The following HK2 variants were observed in gnomAD, a reference collection of about 807,000 sequenced individuals.
HK2 encodes hexokinase 2, also known as hexokinase-2.
Under a neutral mutation model 92.9 loss-of-function variants are expected in HK2, and 42 were observed. The observed-to-expected ratio is 0.45, with a 90% CI of 0.35 to 0.58. HK2 has a LOEUF of 0.58. HK2 is among the 20% of genes least tolerant of loss of function. The probability of loss-of-function intolerance (pLI) is 0.00; values close to 1 mark genes in which losing one functional copy is unlikely to be tolerated. For synonymous variants in HK2, 422 were observed against 468.0 expected (o/e 0.90, Z 1.27); for missense variants, 978 against 1,245.1 (o/e 0.79, Z 3.23).
At chr2:74,864,134 G>C (rs150950018) in intron 2 of HK2, among the ~76,000 whole-genome samples, 1 of 152,316 alleles carries the variant, frequency 6.6e-6, no homozygotes, top group African/African-American at 2.4e-5. Flanking sequence ...CAGCTCAACT[G>C]TGGCAGCAGC....
At chr2:74,853,248 G>A (rs1688611780) in intron 1 of HK2, among the ~76,000 whole-genome samples, 1 of 152,058 alleles carries the variant, frequency 6.6e-6, no homozygotes, top group Admixed American at 6.6e-5. Flanking sequence ...CGGGTGTGGT[G>A]GCTCGCTCCT....
At position 74,869,991 on chromosome 2, in the gene HK2, C is replaced by T. The variant is rs6728248; in HGVS notation, c.375+2207C>T. On this transcript the variant is annotated intron_variant, in intron 3 of 17. Transcript: ENST00000290573. ...GAACTGAATTTTTAAGGTCTTTTTT[C>T]TTTTCTTTTCTTTTTTTTTTTTTTT... Among the ~76,000 whole-genome samples, 477 of 138,564 alleles carry T rather than the reference C, an allele frequency of 3.4e-3. 2 individuals are homozygous for T. The highest frequency in any genetic ancestry group is 0.013 in the African/African-American group (441 of 34,478). The allele number at this position is 138,564 out of a possible 152,430, so 90.9% of individuals were successfully genotyped here.
chr2:74,886,542 G>A lies in HK2; in HGVS notation c.2088G>A (p.Val696=), dbSNP rs1689543855. ...YMEEMRNVEL[V]EGEEGRMCVN... is the part of the protein sequence containing the mutation. ...AGGAGATGCGCAACGTGGAACTGGTGGAAGGAGAAGAGGGGCGGATGTGTG... is the reference window on the plus strand; with the variant it reads ...AGGAGATGCGCAACGTGGAACTGGTAGAAGGAGAAGAGGGGCGGATGTGTG... Residue 696 remains valine, a synonymous_variant, in exon 15 of 18, where the codon GTG becomes GTA. Coordinates refer to ENST00000290573, the MANE Select transcript of HK2 (RefSeq NM_000189.5). 1.2e-6 allele frequency: 2 copies of A among 1,614,030 alleles called. No individual in the cohort carries two copies. The highest frequency in any genetic ancestry group is 1.7e-6 in the Non-Finnish European group (2 of 1,179,954).
At chr2:74,849,159 C>A (rs765887758) in intron 1 of HK2, among the ~76,000 whole-genome samples, 1 of 152,186 alleles carries the variant, frequency 6.6e-6, no homozygotes, top group Non-Finnish European at 1.5e-5. Flanking sequence ...GAGGAAAATG[C>A]AGGTACTTAA....
chr2:74,887,316 A>T (rs910299936), intron 15 of HK2, among the ~76,000 whole-genome samples: 1 of 150,860 alleles, frequency 6.6e-6, no homozygotes, highest in Non-Finnish European at 1.5e-5. Flanking sequence ...TCAAGATAAG[A>T]TGGGGTGGTG....
chr2:74,872,899 G>A (rs772118274), intron 4 of HK2, among the ~76,000 whole-genome samples: 1 of 152,148 alleles, frequency 6.6e-6, no homozygotes, highest in Non-Finnish European at 1.5e-5. Flanking sequence ...AGGCTGTATG[G>A]GACAGCCTGT....
intron 2 of HK2, among the ~76,000 whole-genome samples, chr2:74,857,830 G>T (rs750124140): frequency 1.1e-4 from 16 of 152,154 alleles, no homozygotes; most frequent in Non-Finnish European, 1.8e-4. Flanking sequence ...GTGAAGTGCT[G>T]CGAGGAAAGG....
At chr2:74,878,311 ACT>A (rs1367788554) in intron 8 of HK2, among the ~76,000 whole-genome samples, 1 of 152,074 alleles carries the variant, frequency 6.6e-6, no homozygotes, top group Non-Finnish European at 1.5e-5. Context: ...TGTAACACAA[ACT>A]CTCACACACA....
Position 74,873,261 on chromosome 2 carries a change from T to G in HK2, c.496-15T>G, listed in dbSNP as rs1253661443. The G allele has an allele frequency of 6.3e-7, 1 of 1,590,858 alleles. No homozygotes were observed. Among genetic ancestry groups the G allele is most frequent in the East Asian group, 2.2e-5 (1 of 44,760 alleles). ...TTAGTGGGAAATCAATATTCACTTC[T>G]TGGTCCCTTTCCAGAGTTTCCTGGT... On this transcript the variant is annotated splice_polypyrimidine_tract_variant and intron_variant, in intron 4 of 17. Coordinates refer to ENST00000290573, the MANE Select transcript of HK2 (RefSeq NM_000189.5).
chr2:74,873,474 TAA>T, intron 5 of HK2, 103 bp downstream of exon 5: 1 of 764,670 alleles, frequency 1.3e-6, no homozygotes, highest in Non-Finnish European at 2.3e-6. Context: ...ACGTGGAGCT[TAA>T]GGAGAGTTCT....
intron 1 of HK2, among the ~76,000 whole-genome samples, chr2:74,839,856 G>A (rs1328028543): frequency 6.7e-6 from 1 of 149,806 alleles, no homozygotes; most frequent in Non-Finnish European, 1.5e-5. Flanking sequence ...GTTTCACCAT[G>A]TTGACCAGGA....
chr2:74,848,696 T>C (rs1688498563), intron 1 of HK2, among the ~76,000 whole-genome samples: 1 of 152,238 alleles, frequency 6.6e-6, no homozygotes. Context: ...TCTGTAGTAC[T>C]TCATATAAAA....
chr2:74,851,621 G>C (rs890516253), intron 1 of HK2, among the ~76,000 whole-genome samples: 4 of 152,220 alleles, frequency 2.6e-5, no homozygotes, highest in African/African-American at 9.6e-5. Context: ...CCTCAGTGCA[G>C]GAACTCCTGT....
intron 1 of HK2, among the ~76,000 whole-genome samples, chr2:74,844,750 G>T (rs685363): frequency 0.13 from 19,585 of 152,208 alleles, 1,301 homozygotes; most frequent in Middle Eastern, 0.18. Context: ...CAGACAGGTG[G>T]ACTGGGAGGA....
chr2:74,838,135 T>C (rs1370777679), intron 1 of HK2, among the ~76,000 whole-genome samples: 1 of 152,240 alleles, frequency 6.6e-6, no homozygotes, highest in Admixed American at 6.5e-5. Flanking sequence ...ATTTGTTTCA[T>C]TCCACCATCT....
At chr2:74,843,001 T>C (rs1688352359) in intron 1 of HK2, among the ~76,000 whole-genome samples, 1 of 152,192 alleles carries the variant, frequency 6.6e-6, no homozygotes, top group Non-Finnish European at 1.5e-5. Context: ...TTCATATTCT[T>C]CTGCTGTGGA....
chr2:74,888,126 G>T, intron 16 of HK2, 68 bp downstream of exon 16: 1 of 1,534,924 alleles, frequency 6.5e-7, no homozygotes, highest in Non-Finnish European at 9.0e-7. Context: ...ACAAACTGAA[G>T]GATTTCCATA....
Position 74,882,125 on chromosome 2 carries a change from T to C in HK2, c.1725T>C (p.Phe575=), listed in dbSNP as rs780015137. 1 of 1,614,210 alleles carries C rather than the reference T, an allele frequency of 6.2e-7. No individual in the cohort carries two copies. Among genetic ancestry groups the C allele is most frequent in the East Asian group, 2.2e-5 (1 of 44,880 alleles). The change falls in exon 12 of 18, where the codon TTT becomes TTC. Residue 575 remains phenylalanine (F), a synonymous_variant. Transcript: ENST00000290573. ...GTCCTAACTTCTCCCTGCAGCTCTTTGACCACATTGTCCAGTGCATCGCGG... is the reference window on the plus strand; with the variant it reads ...GTCCTAACTTCTCCCTGCAGCTCTTCGACCACATTGTCCAGTGCATCGCGG... ...EVMHGTGDEL[F]DHIVQCIADF... is the part of the protein sequence containing the mutation.
chr2:74,884,705 G>A (rs995696567), intron 12 of HK2, among the ~76,000 whole-genome samples: 1 of 152,206 alleles, frequency 6.6e-6, no homozygotes, highest in African/African-American at 2.4e-5. Flanking sequence ...GCTCATTTAT[G>A]GAAGCCGAGC....
Sources: allele counts gnomAD v4.1 joint callset (sites outside exome capture counted in the v4.1 genomes callset), GRCh38; gene constraint gnomAD v4.1.1; transcripts MANE v1.5; gene names NCBI Gene and HGNC (gene_info 2026-07-23, HGNC 2026-07-21).